JAKMIP2: variants seen among roughly 807,000 people sequenced by gnomAD.
JAKMIP2 encodes janus kinase and microtubule interacting protein 2.
JAKMIP2 carries 25 observed loss-of-function variants against 115.0 expected under a neutral mutation model. The observed-to-expected ratio is 0.22, with a 90% CI of 0.16 to 0.30. JAKMIP2 has a LOEUF of 0.30. Ranked by LOEUF, JAKMIP2 falls within the 10% of genes least tolerant of loss-of-function variation. JAKMIP2 has a pLI of 1.00. For synonymous variants in JAKMIP2, 334 were observed against 343.6 expected, an observed-to-expected ratio of 0.97 and a Z score of 0.31; for missense variants, 642 against 957.6, an observed-to-expected ratio of 0.67 and a Z score of 4.35.
At chr5:147,601,930 A>G (rs771159440) in intron 20 of JAKMIP2, 119 bp from the exon 21 acceptor site, 5 of 475,288 alleles carry the variant, frequency 1.1e-5, no homozygotes, top group East Asian at 6.8e-5. Flanking sequence ...ATGAACATCA[A>G]GCACCTTTTT....
chr5:147,742,020 T>G (rs957438559), intron 1 of JAKMIP2, among the ~76,000 whole-genome samples: 1 of 151,636 alleles, frequency 6.6e-6, no homozygotes, highest in South Asian at 2.1e-4. Context: ...AAAACCACTC[T>G]GCTAACTAGT....
At chr5:147,659,746 C>T (rs4705189) in intron 3 of JAKMIP2, among the ~76,000 whole-genome samples, 11,662 of 152,120 alleles carry the variant, frequency 0.077, 570 homozygotes, top group Middle Eastern at 0.17. Flanking sequence ...GGGCAGAGAC[C>T]GATATTTCTG....
At chr5:147,693,328 T>C (rs899043444) in intron 1 of JAKMIP2, among the ~76,000 whole-genome samples, 4 of 152,234 alleles carry the variant, frequency 2.6e-5, no homozygotes, top group African/African-American at 7.2e-5. Context: ...ATACTGTTCA[T>C]GTAAATACAT....
At chr5:147,605,775 G>C (rs1755976681) in intron 20 of JAKMIP2, among the ~76,000 whole-genome samples, 1 of 152,106 alleles carries the variant, frequency 6.6e-6, no homozygotes, top group Non-Finnish European at 1.5e-5. Flanking sequence ...TTCCACAATG[G>C]TTGAACTAAT....
chr5:147,707,089 A>G (rs1752588298), intron 1 of JAKMIP2, among the ~76,000 whole-genome samples: 1 of 152,138 alleles, frequency 6.6e-6, no homozygotes, highest in Admixed American at 6.6e-5. Context: ...ATATATATTA[A>G]ATAATTCTAG....
At chr5:147,782,409 T>A (rs763856818) in intron 1 of JAKMIP2, 47 bp downstream of exon 1, 48 of 1,529,974 alleles carry the variant, frequency 3.1e-5, no homozygotes, top group Admixed American at 7.8e-5. Context: ...ACAGGTCAAA[T>A]AAGAACACTC....
intron 16 of JAKMIP2, among the ~76,000 whole-genome samples, 171 bp from the exon 17 acceptor site, chr5:147,623,860 G>A (rs913471225): frequency 2.0e-5 from 3 of 151,994 alleles, no homozygotes; most frequent in African/African-American, 7.2e-5. Context: ...TTTTTGAAAC[G>A]GAATCTCGCT....
chr5:147,612,403 C>CAGT lies in JAKMIP2; in HGVS notation c.2347-35_2347-33dup, dbSNP rs759792415. 49 of 1,321,736 alleles carry CAGT rather than the reference C, an allele frequency of 3.7e-5. No homozygotes were observed. The African/African-American group carries it at 6.2e-4, about 17-fold the overall frequency. The allele number at this position is 1,321,736 out of a possible 1,614,324, so 81.9% of individuals were successfully genotyped here. ...AAAGAAAAGAAAAGAAAGAAAGCAT[C>CAGT]AGTAGGTGGTAAGTTGTGCGGAAAA... is the stretch of plus-strand genomic sequence containing the variant. On this transcript the variant is annotated intron_variant, in intron 19 of 21. Coordinates refer to ENST00000616793, the MANE Select transcript of JAKMIP2 (RefSeq NM_001270941.2).
At chr5:147,747,317 G>A (rs1754382825) in intron 1 of JAKMIP2, among the ~76,000 whole-genome samples, 1 of 152,064 alleles carries the variant, frequency 6.6e-6, no homozygotes, top group Non-Finnish European at 1.5e-5. Flanking sequence ...ATCCCTACAA[G>A]AAAAATGCTT....
chr5:147,758,883 G>T (rs1754836389), intron 1 of JAKMIP2, among the ~76,000 whole-genome samples: 1 of 152,164 alleles, frequency 6.6e-6, no homozygotes, highest in Admixed American at 6.6e-5. Flanking sequence ...TAGTGCAGGT[G>T]CATTGTTTAG....
intron 1 of JAKMIP2, among the ~76,000 whole-genome samples, chr5:147,735,741 A>G (rs1159103617): frequency 1.3e-5 from 2 of 152,236 alleles, no homozygotes; most frequent in East Asian, 3.9e-4. Flanking sequence ...GCCTTCTTTC[A>G]TAATTGGCCA....
rs1757344691 is a variant in JAKMIP2, at chr5:147,631,438, A to G, written c.1850T>C (p.Ile617Thr). 6.2e-7 allele frequency: 1 copy of G among 1,608,970 alleles called. No individual in the cohort carries two copies. The highest frequency in any genetic ancestry group is 2.2e-5 in the East Asian group (1 of 44,800). The change falls in exon 14 of 22, where the codon ATC (isoleucine) becomes ACC (threonine). Residue 617 changes from isoleucine to threonine, a missense_variant. Around this residue, in one of 6 missense-constraint regions of JAKMIP2, gnomAD observed 103 missense variants for 177.6 expected, o/e 0.58. Transcript: ENST00000616793. ...CTTAACACCTTCTTTCATACAGTAG[A>G]TCTGTAGAGCACTCACACCATCTGA... ...PFSDGVSALQ[I>T]YCMKEGVKDV...
At position 147,641,748 on chromosome 5, in the gene JAKMIP2, A is replaced by G. The variant is rs1757890397; in HGVS notation, c.1241T>C (p.Ile414Thr). The change falls in exon 8 of 22, where the codon ATC (isoleucine) becomes ACC (threonine). Residue 414 changes from isoleucine to threonine, a missense_variant. Around this residue, in one of 6 missense-constraint regions of JAKMIP2, gnomAD observed 439 missense variants for 570.9 expected, o/e 0.77. Coordinates refer to ENST00000616793, the MANE Select transcript of JAKMIP2 (RefSeq NM_001270941.2). ...DELTRDREKL[I>T]RRRKHRRSSK... is the part of the protein sequence containing the mutation. Reference sequence around the variant, plus strand: ...ACTTCTTCTATGCTTTCTTCTACGGATGAGCTTTTCTCGGTCCTGGAAAAC... The same window carrying G: ...ACTTCTTCTATGCTTTCTTCTACGGGTGAGCTTTTCTCGGTCCTGGAAAAC... 1.2e-6 allele frequency: 2 copies of G among 1,613,332 alleles called. No homozygotes were observed. The highest frequency in any genetic ancestry group is 2.2e-5 in the East Asian group (1 of 44,854).
At chr5:147,628,244 G>A (rs1044690163) in intron 16 of JAKMIP2, among the ~76,000 whole-genome samples, 2 of 152,050 alleles carry the variant, frequency 1.3e-5, no homozygotes, top group Non-Finnish European at 2.9e-5. Context: ...CATTTACCAG[G>A]TTTAGACACA....
intron 1 of JAKMIP2, among the ~76,000 whole-genome samples, chr5:147,696,785 G>A (rs1236110254): frequency 6.6e-6 from 1 of 152,166 alleles, no homozygotes; most frequent in Non-Finnish European, 1.5e-5. Context: ...AATCCAGGCT[G>A]AGGTGGTCTC....
intron 1 of JAKMIP2, among the ~76,000 whole-genome samples, chr5:147,713,278 G>T (rs1752850627): frequency 6.6e-6 from 1 of 152,020 alleles, no homozygotes. Flanking sequence ...TTGTAAGTGT[G>T]AGCCTTTCAC....
In JAKMIP2 at chr5:147,588,638, T is replaced by G. The variant is rs1754975074; in HGVS notation, c.*3069A>C. On this transcript the variant is annotated 3_prime_UTR_variant, in exon 22 of 22. Transcript: ENST00000616793. ...CTCATGAGCAAGAGTTGGTAAAAAT[T>G]ACAGTTCAGTCTATAGTCTTGAGAA... 1 of 152,156 alleles carries G rather than the reference T, an allele frequency of 6.6e-6. No individual in the cohort carries two copies. Among genetic ancestry groups the G allele is most frequent in the South Asian group, 2.1e-4 (1 of 4,830 alleles). The allele number at this position is 152,156 out of a possible 1,614,324, so 9.4% of individuals were successfully genotyped here.
intron 12 of JAKMIP2, among the ~76,000 whole-genome samples, chr5:147,635,605 G>C (rs552473180): frequency 6.6e-6 from 1 of 152,052 alleles, no homozygotes; most frequent in African/African-American, 2.4e-5. Flanking sequence ...CTTGTTGCCC[G>C]GGCTGGAGTG....
At chr5:147,779,294 T>A (rs1408800100) in intron 1 of JAKMIP2, among the ~76,000 whole-genome samples, 2 of 152,094 alleles carry the variant, frequency 1.3e-5, no homozygotes, top group Admixed American at 1.3e-4. Context: ...TACATACCAA[T>A]CAAAATATTT....
Sources: gnomAD v4.1 joint callset for allele counts (sites outside exome capture counted in the v4.1 genomes callset) on GRCh38, gnomAD v4.1.1 for gene constraint, gnomAD v4.1.1 regional missense constraint, MANE v1.5 for transcripts, NCBI Gene and HGNC (gene_info 2026-07-23, HGNC 2026-07-21) for gene names.